Variants in PSG3 observed in about 807,000 individuals in gnomAD.
The protein encoded by PSG3 is pregnancy-specific beta-1-glycoprotein 3.
Under a neutral mutation model 47.5 loss-of-function variants are expected in PSG3, and 61 were observed. The ratio of observed to expected loss-of-function variants is 1.28; its 90% CI spans 1.05 to 1.59. The LOEUF (loss-of-function observed/expected upper bound fraction) is 1.59, where lower values mean the gene tolerates loss of function less well. PSG3 is among the 40% of genes most tolerant of loss of function. The pLI, the probability that PSG3 is intolerant of heterozygous loss-of-function variation, is 0.00. For missense variants in PSG3, 756 were observed against 524.0 expected, an observed-to-expected ratio of 1.44 and a Z score of -4.32; for synonymous variants, 263 against 198.4, an observed-to-expected ratio of 1.33 and a Z score of -2.74.
chr19:42,723,831 G>A, intron 6 of PSG3, 111 bp downstream of exon 6: 4 of 836,676 alleles, frequency 4.8e-6, no homozygotes, highest in Non-Finnish European at 8.0e-6. Context: ...GCAGGAGTTA[G>A]TGGAGGAAGG....
At chr19:42,725,221 C>G (rs991834741) in intron 5 of PSG3, among the ~76,000 whole-genome samples, 16 of 152,276 alleles carry the variant, frequency 1.1e-4, no homozygotes, top group African/African-American at 3.9e-4. Context: ...GAAGAAAGCA[C>G]TCTTATTGCA....
chr19:42,726,183 C>A (rs972490426), intron 5 of PSG3, among the ~76,000 whole-genome samples: 3 of 152,148 alleles, frequency 2.0e-5, no homozygotes, highest in African/African-American at 7.2e-5. Flanking sequence ...CCAATGCTAA[C>A]ATCATACTCA....
At position 42,738,225 on chromosome 19, in the gene PSG3, T is replaced by A. The variant is rs149470483; in HGVS notation, c.430+499A>T. Among the ~76,000 whole-genome samples, 428 of 152,332 alleles carry A rather than the reference T, an allele frequency of 2.8e-3. 3 individuals are homozygous for A. The highest frequency in any genetic ancestry group is 4.0e-3 in the Non-Finnish European group (275 of 68,014). On this transcript the variant is annotated intron_variant, in intron 2 of 6. Coordinates refer to ENST00000327495, the MANE Select transcript of PSG3 (RefSeq NM_021016.4). ...AACAGCTCCAGGAGACACAGTCCTC[T>A]GACAGCTGGTAAATCCTTGGTCCCA... is the stretch of plus-strand genomic sequence containing the variant.
rs1969536197 is a variant in PSG3 at position 42,734,860 on chromosome 19, A to ATTTC, written c.431-1799_431-1798insGAAA. ...TAATTTCTGTGCAGAGTTAGGAAAA[A>ATTTC]TGGGGAGGACCCCAAAACAGGTATG... On this transcript the variant is annotated intron_variant, in intron 2 of 6. Transcript: ENST00000327495. Among the ~76,000 whole-genome samples the ATTTC allele has an allele frequency of 6.6e-5, 10 of 152,356 alleles. No individual in the cohort carries two copies. In the South Asian group the frequency reaches 2.1e-3, roughly 32 times the overall value.
At chr19:42,722,918 C>G (rs976517893) in intron 6 of PSG3, among the ~76,000 whole-genome samples, 1 of 152,152 alleles carries the variant, frequency 6.6e-6, no homozygotes, top group African/African-American at 2.4e-5. Context: ...CCTCTCCAGA[C>G]CTTTAAACTG....
In PSG3 at chr19:42,732,775, G is replaced by C. The variant is rs772078422; in HGVS notation, c.709+9C>G. 1.2e-6 allele frequency: 2 copies of C among 1,614,168 alleles called. No individual in the cohort carries two copies. The highest frequency in any genetic ancestry group is 1.1e-5 in the South Asian group (1 of 91,070). ...CAGACTGGCTCACAGAGGAACAGGAGATACTCACGGAGGAGATTCAGGGTG... is the reference window on the plus strand; with the variant it reads ...CAGACTGGCTCACAGAGGAACAGGACATACTCACGGAGGAGATTCAGGGTG... On this transcript the variant is annotated intron_variant, in intron 3 of 6. Coordinates refer to ENST00000327495, the MANE Select transcript of PSG3 (RefSeq NM_021016.4).
At chr19:42,736,931 G>A (rs1273826433) in intron 2 of PSG3, among the ~76,000 whole-genome samples, 1 of 152,164 alleles carries the variant, frequency 6.6e-6, no homozygotes, top group Non-Finnish European at 1.5e-5. Context: ...TGAACAGTCA[G>A]CCTAGTTAGA....
At chr19:42,735,995 G>C (rs1208807428) in intron 2 of PSG3, among the ~76,000 whole-genome samples, 1 of 152,206 alleles carries the variant, frequency 6.6e-6, no homozygotes, top group Non-Finnish European at 1.5e-5. Context: ...ACTCATTCCT[G>C]GGCATAGGCC....
intron 2 of PSG3, 120 bp from the exon 3 acceptor site, chr19:42,733,182 G>A (rs1298999607): frequency 6.6e-7 from 1 of 1,508,906 alleles, no homozygotes; most frequent in African/African-American, 1.4e-5. Flanking sequence ...AAAAGCCCAT[G>A]GCAGGTGTGT....
At chr19:42,735,637 A>G (rs866002208) in intron 2 of PSG3, among the ~76,000 whole-genome samples, 1 of 152,228 alleles carries the variant, frequency 6.6e-6, no homozygotes, top group Non-Finnish European at 1.5e-5. Flanking sequence ...CTGGGATTAT[A>G]GGCATGAGCC....
In PSG3 at chr19:42,729,937, C is replaced by A. The variant is rs750905868; in HGVS notation, c.829G>T (p.Gly277Cys). The change falls in exon 4 of 7, where the codon GGT becomes TGT. Residue 277 changes from glycine to cysteine, a missense_variant. By Grantham distance (159) the Gly-to-Cys change is radical. Coordinates refer to ENST00000327495, the MANE Select transcript of PSG3 (RefSeq NM_021016.4). ...ENYTYIWWLN[G>C]QSLPVSPRVK... is the part of the protein sequence containing the mutation. Reference sequence around the variant, plus strand: ...CTGGGACTGACCGGGAGGCTCTGACCATTTAGCCACCAAATGTAGGTGTAG... The same window carrying A: ...CTGGGACTGACCGGGAGGCTCTGACAATTTAGCCACCAAATGTAGGTGTAG... The A allele has an allele frequency of 1.9e-6, 3 of 1,612,130 alleles. No individual in the cohort carries two copies. The highest frequency in any genetic ancestry group is 2.5e-6 in the Non-Finnish European group (3 of 1,179,858).
chr19:42,734,103 T>G lies in PSG3; in HGVS notation c.431-1041A>C, dbSNP rs554366815. 9.8e-5 allele frequency: 15 copies of G among 152,324 alleles called. No homozygotes were observed. The East Asian group carries it at 2.7e-3, about 27-fold the overall frequency. The allele number at this position is 152,324 out of a possible 1,614,324, so 9.4% of individuals were successfully genotyped here. On this transcript the variant is annotated intron_variant, in intron 2 of 6. Coordinates refer to ENST00000327495, the MANE Select transcript of PSG3 (RefSeq NM_021016.4). ...GTGTAGAATAGTAGTTTCCAGGAGC[T>G]GGGATCAGGGGAATAGGGCGTTGTT...
intron 5 of PSG3, among the ~76,000 whole-genome samples, chr19:42,728,596 C>T (rs1600381478): frequency 6.6e-6 from 1 of 152,224 alleles, no homozygotes; most frequent in South Asian, 2.1e-4. Context: ...ATGCTGGTCC[C>T]ACCCAGGTGG....
chr19:42,739,677 C>T (rs1969635136), intron 1 of PSG3, among the ~76,000 whole-genome samples: 1 of 151,962 alleles, frequency 6.6e-6, no homozygotes, highest in Admixed American at 6.5e-5. Context: ...GGTGTTTTTT[C>T]TTCCCCCAGT....
At chr19:42,730,125 C>T (rs1969449015) in intron 3 of PSG3, 69 bp from the exon 4 acceptor site, 14 of 1,590,628 alleles carry the variant, frequency 8.8e-6, no homozygotes, top group Non-Finnish European at 1.2e-5. Flanking sequence ...ATCCTTCAAT[C>T]AGAGTTGGCA....
rs1478569904 is a variant in PSG3, at chr19:42,733,000, C to G, written c.493G>C (p.Val165Leu). The G allele has an allele frequency of 6.2e-7, 1 of 1,614,186 alleles. No individual in the cohort carries two copies. Residue 165 changes from valine (V) to leucine (L), a missense_variant, in exon 3 of 7, where the codon GTG becomes CTG. Coordinates refer to ENST00000327495, the MANE Select transcript of PSG3 (RefSeq NM_021016.4). ...NLYPREDMEA[V>L]SLTCDPETPD... ...GTCTCAGGATCACAGGTTAAGCTCA[C>G]AGCCTCCATGTCCTCCCTGGGGTAT... is the stretch of plus-strand genomic sequence containing the variant.
intron 5 of PSG3, among the ~76,000 whole-genome samples, chr19:42,727,075 A>G (rs1486934470): frequency 2.0e-5 from 3 of 152,218 alleles, no homozygotes; most frequent in Admixed American, 6.5e-5. Flanking sequence ...GTGGATATCC[A>G]AGGGCAAGAA....
chr19:42,729,422 A>T, intron 4 of PSG3, 45 bp from the exon 5 acceptor site: 2 of 1,581,450 alleles, frequency 1.3e-6, no homozygotes, highest in Non-Finnish European at 1.7e-6. Flanking sequence ...ATCCGAGGGA[A>T]GGGGATGCTC....
intron 2 of PSG3, among the ~76,000 whole-genome samples, chr19:42,734,427 C>A (rs138647263): frequency 6.6e-6 from 1 of 151,918 alleles, no homozygotes; most frequent in African/African-American, 2.4e-5. Flanking sequence ...TCTGGATTTC[C>A]GATGCTCAAT....
Sources: allele counts gnomAD v4.1 joint callset (sites outside exome capture counted in the v4.1 genomes callset), GRCh38; gene constraint gnomAD v4.1.1; transcripts MANE v1.5; gene names NCBI Gene and HGNC (gene_info 2026-07-23, HGNC 2026-07-21).